VSIG8: variants seen among roughly 807,000 people sequenced by gnomAD.
VSIG8 encodes the protein V-set and immunoglobulin domain containing 8, also known as V-set and immunoglobulin domain-containing protein 8.
In VSIG8, 32 loss-of-function variants were observed where a neutral mutation model predicts 42.6. The ratio of observed to expected loss-of-function variants is 0.75; its 90% CI spans 0.57 to 1.01. The LOEUF is 1.01. Among genes scored for constraint, VSIG8 ranks in the 50% least tolerant of loss-of-function variants. The pLI, the probability that VSIG8 is intolerant of heterozygous loss-of-function variation, is 0.00. For missense variants in VSIG8, 529 were observed against 558.0 expected (o/e 0.95, Z 0.52); for synonymous variants, 290 against 243.8 (o/e 1.19, Z -1.77).
intron 6 of VSIG8, 29 bp downstream of exon 6, chr1:159,855,854 A>AGCAGCAT (rs1337308518): frequency 1.6e-5 from 25 of 1,530,080 alleles, no homozygotes; most frequent in Middle Eastern, 2.4e-4. Context: ...CCTGCCGCAC[A>AGCAGCAT]GCAGCATGCA....
Position 159,856,546 on chromosome 1 carries a change from A to T in VSIG8, c.750T>A (p.Cys250Ter). The change falls in exon 5 of 7, where the codon TGT (cysteine) becomes TGA (stop). Residue 250 changes from cysteine to a stop codon, truncating the protein, a stop_gained. Transcript: ENST00000368100. LOFTEE classifies it high-confidence loss of function. ...TACCTGAGACCTTCACCTCCACCACACAAACACTGTAGCCCACGTTGTTGG... is the reference window on the plus strand; with the variant it reads ...TACCTGAGACCTTCACCTCCACCACTCAAACACTGTAGCCCACGTTGTTGG... ...TVANNVGYSVCVVEVKVSDSR... is the reference protein window; with the variant it reads ...TVANNVGYSV The T allele has an allele frequency of 6.2e-7, 1 of 1,614,106 alleles. No homozygotes were observed. Among genetic ancestry groups the T allele is most frequent in the Non-Finnish European group, 8.5e-7 (1 of 1,179,996 alleles).
Position 159,862,655 on chromosome 1 carries a change from A to C in VSIG8, c.-134T>G. On this transcript the variant is annotated 5_prime_UTR_variant, in exon 1 of 7. Transcript: ENST00000368100. ...CCTGGGGTGGCAGGAAGGTGCAATG[A>C]GTGCCCAGCTGGGGAGCAGCTGGAG... 1 of 769,144 alleles carries C rather than the reference A, an allele frequency of 1.3e-6. No homozygotes were observed. The highest frequency in any genetic ancestry group is 1.9e-5 in the South Asian group (1 of 53,624). 47.6% of individuals were successfully genotyped at this position (769,144 alleles called of 1,614,324 possible). A position where few individuals can be genotyped will look rare whatever the true frequency, so the allele number is the denominator to read the frequency against.
At chr1:159,855,180 C>G in intron 6 of VSIG8, 154 bp from the exon 7 acceptor site, 8 of 1,551,712 alleles carry the variant, frequency 5.2e-6, no homozygotes, top group East Asian at 2.4e-5. Context: ...ACCTACTGTC[C>G]TTTGTGACCC....
Position 159,858,078 on chromosome 1 carries a change from G to A in VSIG8, c.430+12C>T, listed in dbSNP as rs2101829746. The A allele has an allele frequency of 6.2e-7, 1 of 1,614,214 alleles. No homozygotes were observed. The highest frequency in any genetic ancestry group is 1.1e-5 in the South Asian group (1 of 91,082). On this transcript the variant is annotated intron_variant, in intron 3 of 6. Transcript: ENST00000368100. ...GCCAGGGGGAGAGGAGCTTAGAGGAGTCTGGCCATACCTTGGACAGTGACA... is the reference window on the plus strand; with the variant it reads ...GCCAGGGGGAGAGGAGCTTAGAGGAATCTGGCCATACCTTGGACAGTGACA...
chr1:159,862,608 G>T lies in VSIG8; in HGVS notation c.-87C>A. On this transcript the variant is annotated 5_prime_UTR_variant, in exon 1 of 7. Coordinates refer to ENST00000368100, the MANE Select transcript of VSIG8 (RefSeq NM_001013661.1). ...TGTGAGGGGGTAGGTGGAGGGAGGG[G>T]GAGCTGAGGGCCCAGACACTGCCTG... 8.0e-7 allele frequency: 1 copy of T among 1,247,380 alleles called. No homozygotes were observed. The highest frequency in any genetic ancestry group is 1.3e-5 in the South Asian group (1 of 74,084). 77.3% of individuals were successfully genotyped at this position (1,247,380 alleles called of 1,614,324 possible). A position where few individuals can be genotyped will look rare whatever the true frequency, so the allele number is the denominator to read the frequency against.
chr1:159,858,631 T>C, intron 2 of VSIG8, 103 bp downstream of exon 2: 10 of 1,366,452 alleles, frequency 7.3e-6, no homozygotes, highest in Non-Finnish European at 9.8e-6. Flanking sequence ...TGAAAGGCCT[T>C]GGGGGAGGTT....
In VSIG8 at chr1:159,854,500, C is replaced by T. The variant is rs1648726563; in HGVS notation, c.*253G>A. 1.8e-5 allele frequency: 12 copies of T among 658,730 alleles called. No homozygotes were observed. In the South Asian group the frequency reaches 3.1e-4, roughly 17 times the overall value. The allele number at this position is 658,730 out of a possible 1,614,324, so 40.8% of individuals were successfully genotyped here. A position where few individuals can be genotyped will look rare whatever the true frequency, so the allele number is the denominator to read the frequency against. On this transcript the variant is annotated 3_prime_UTR_variant, in exon 7 of 7. Coordinates refer to ENST00000368100, the MANE Select transcript of VSIG8 (RefSeq NM_001013661.1). ...ACTCAGCCTCCTCCTCCCTCCCTCT[C>T]CCCCAAGCCTTCGGTCCCGGGGGTG...
At chr1:159,855,395 C>G (rs564077229) in intron 6 of VSIG8, 17 of 1,429,738 alleles carry the variant, frequency 1.2e-5, no homozygotes, top group South Asian at 4.5e-5. Flanking sequence ...AGCAATCTCT[C>G]TCTTTCTCAC....
chr1:159,856,667 C>G, intron 4 of VSIG8, 24 bp from the exon 5 acceptor site: 1 of 1,611,396 alleles, frequency 6.2e-7, no homozygotes, highest in Non-Finnish European at 8.5e-7. Flanking sequence ...GGAGAGAGGC[C>G]TGGTCTCTGA....
intron 4 of VSIG8, among the ~76,000 whole-genome samples, chr1:159,857,201 G>T (rs1648862134): frequency 6.6e-6 from 1 of 152,176 alleles, no homozygotes; most frequent in Non-Finnish European, 1.5e-5. Context: ...GCCCAGCTCT[G>T]TCTGAGACCA....
chr1:159,857,917 G>A lies in VSIG8; in HGVS notation c.480C>T (p.Gly160=). 1 of 1,614,226 alleles carries A rather than the reference G, an allele frequency of 6.2e-7. No homozygotes were observed. Among genetic ancestry groups the A allele is most frequent in the Non-Finnish European group, 8.5e-7 (1 of 1,180,028 alleles). The change falls in exon 4 of 7, where the codon GGC becomes GGT. Residue 160 remains glycine (G), a synonymous_variant. Transcript: ENST00000368100. ...CATAGCACTTCAGCACCACATCGTT[G>A]CCATATGTCATGTGGCCCTCTGTCC... ...MCWTEGHMTY[G]NDVVLKCYAS...
chr1:159,856,030 G>A lies in VSIG8; in HGVS notation c.824C>T (p.Ala275Val), dbSNP rs780079437. Reference protein sequence around the residue: ...IIGIVLGSLLALGCLAVGIWG... With the variant: ...IIGIVLGSLLVLGCLAVGIWG... ...GATGCCTACGGCCAGGCAGCCCAGC[G>A]CGAGCAGAGAGCCCAGGACGATGCC... The change falls in exon 6 of 7, where the codon GCG (alanine) becomes GTG (valine). Residue 275 changes from alanine to valine, a missense_variant. Transcript: ENST00000368100. The A allele has an allele frequency of 6.2e-7, 1 of 1,611,862 alleles. No homozygotes were observed. The highest frequency in any genetic ancestry group is 1.3e-5 in the African/African-American group (1 of 74,996).
chr1:159,862,392 G>A (rs760449187), intron 1 of VSIG8, 81 bp downstream of exon 1: 7 of 1,467,354 alleles, frequency 4.8e-6, no homozygotes, highest in Admixed American at 4.1e-5. Context: ...GCAGCCCCAG[G>A]CTCCACTGTG....
intron 1 of VSIG8, among the ~76,000 whole-genome samples, chr1:159,859,639 G>A (rs1488940269): frequency 6.6e-6 from 1 of 152,182 alleles, no homozygotes; most frequent in Non-Finnish European, 1.5e-5. Context: ...CTGTGACCAG[G>A]AGCCTGGCTG....
intron 1 of VSIG8, chr1:159,861,246 C>A (rs949339116): frequency 6.6e-6 from 1 of 152,058 alleles, no homozygotes; most frequent in African/African-American, 2.4e-5. Context: ...CCCAAAAGCA[C>A]CAGAAACTGG....
chr1:159,854,675 C>A lies in VSIG8; in HGVS notation c.*78G>T. Reference sequence around the variant, plus strand: ...GGGGCGAGCGAGGTCGTCCCCAGCCCCGACGTGTCCCCAGCTGCAGACAGA... The same window carrying A: ...GGGGCGAGCGAGGTCGTCCCCAGCCACGACGTGTCCCCAGCTGCAGACAGA... On this transcript the variant is annotated 3_prime_UTR_variant, in exon 7 of 7. Transcript: ENST00000368100. 1 of 1,372,892 alleles carries A rather than the reference C, an allele frequency of 7.3e-7. No homozygotes were observed. The highest frequency in any genetic ancestry group is 9.3e-7 in the Non-Finnish European group (1 of 1,070,296). The allele number at this position is 1,372,892 out of a possible 1,614,324, so 85.0% of individuals were successfully genotyped here.
At position 159,854,506 on chromosome 1, in the gene VSIG8, A is replaced by G. The variant is rs1009934640; in HGVS notation, c.*247T>C. 5.7e-6 allele frequency: 4 copies of G among 701,676 alleles called. No homozygotes were observed. Among genetic ancestry groups the G allele is most frequent in the African/African-American group, 3.8e-5 (2 of 52,908 alleles). 43.5% of individuals were successfully genotyped at this position (701,676 alleles called of 1,614,324 possible). A position where few individuals can be genotyped will look rare whatever the true frequency, so the allele number is the denominator to read the frequency against. On this transcript the variant is annotated 3_prime_UTR_variant, in exon 7 of 7. Transcript: ENST00000368100. ...CCTCCTCCTCCCTCCCTCTCCCCCA[A>G]GCCTTCGGTCCCGGGGGTGCGGAGA...
Position 159,858,267 on chromosome 1 carries a change from T to G in VSIG8, c.253A>C (p.Ile85Leu), listed in dbSNP as rs913747916. Reference protein sequence around the residue: ...NVFLSYQDKRINHGSLPHLQQ... With the variant: ...NVFLSYQDKRLNHGSLPHLQQ... ...AGATGGGGAAGGCTGCCATGGTTGA[T>G]CCTCTTGTCCTGGTAACTAAGGAAC... The change falls in exon 3 of 7, where the codon ATC becomes CTC. Residue 85 changes from isoleucine (I) to leucine (L), a missense_variant. Transcript: ENST00000368100. The G allele has an allele frequency of 6.2e-7, 1 of 1,614,170 alleles. No individual in the cohort carries two copies. The highest frequency in any genetic ancestry group is 1.7e-5 in the Admixed American group (1 of 60,018).
rs764354396 is a variant in VSIG8, at chr1:159,857,725, C to T, written c.652+20G>A. 6 of 1,610,222 alleles carry T rather than the reference C, an allele frequency of 3.7e-6. No homozygotes were observed. The African/African-American group carries it at 6.7e-5, about 18-fold the overall frequency. On this transcript the variant is annotated intron_variant, in intron 4 of 6. Coordinates refer to ENST00000368100, the MANE Select transcript of VSIG8 (RefSeq NM_001013661.1). ...GATCTTCCACTCACCCCCGACTGCC[C>T]TCATCCAGGGCCCTCTCACCTTGGT...
Sources: allele counts gnomAD v4.1 joint callset (sites outside exome capture counted in the v4.1 genomes callset), GRCh38; gene constraint gnomAD v4.1.1; transcripts MANE v1.5; gene names NCBI Gene and HGNC (gene_info 2026-07-23, HGNC 2026-07-21).